GNA14: variants seen among roughly 807,000 people sequenced by gnomAD.
GNA14 encodes G protein subunit alpha 14.
GNA14 carries 50 observed loss-of-function variants against 42.0 expected under a neutral mutation model. The observed-to-expected ratio is 1.19, with a 90% CI of 0.95 to 1.51. GNA14 has a LOEUF of 1.51. Among genes scored for constraint, GNA14 ranks in the 40% most tolerant of loss-of-function variants. The probability of loss-of-function intolerance (pLI) is 0.00; values close to 1 mark genes in which losing one functional copy is unlikely to be tolerated. For synonymous variants in GNA14, 173 were observed against 163.1 expected (o/e 1.06, Z -0.46); for missense variants, 473 against 446.2 (o/e 1.06, Z -0.54).
intron 2 of GNA14, among the ~76,000 whole-genome samples, chr9:77,460,037 TCTCCCATCCTCCAAAC>T (rs1197499614): frequency 6.6e-6 from 1 of 152,180 alleles, no homozygotes; most frequent in Non-Finnish European, 1.5e-5. Context: ...CTGTTCTTTT[TCTCCCATCCTCCAAAC>T]CTCCCATCAG....
rs145821424 is a variant in GNA14, at chr9:77,565,220, A to G, written c.125-35967T>C. ...TTCCTGTAAATCTCTGCTGTCCAGT[A>G]TAGTAGCCACCAGCTAAACGTGGTT... On this transcript the variant is annotated intron_variant, in intron 1 of 6. Coordinates refer to ENST00000341700, the MANE Select transcript of GNA14 (RefSeq NM_004297.4). Among the ~76,000 whole-genome samples, 164 of 152,320 alleles carry G rather than the reference A, an allele frequency of 1.1e-3. 1 individual carries two copies. The highest frequency in any genetic ancestry group is 1.9e-3 in the South Asian group (9 of 4,822).
At chr9:77,487,192 G>T (rs1836676868) in intron 2 of GNA14, among the ~76,000 whole-genome samples, 1 of 152,118 alleles carries the variant, frequency 6.6e-6, no homozygotes, top group African/African-American at 2.4e-5. Flanking sequence ...CATGGCCCAG[G>T]TAGGATGGAG....
chr9:77,634,774 T>C lies in GNA14; in HGVS notation c.124+12896A>G, dbSNP rs139795184. Among the ~76,000 whole-genome samples the C allele has an allele frequency of 5.1e-3, 775 of 152,338 alleles. 8 individuals carry two copies. The highest frequency in any genetic ancestry group is 0.018 in the African/African-American group (739 of 41,584). ...TAAGGAATTCTTTATACTACTCAGCTGGTATTTCATGTAAACCACTATAAA... is the reference window on the plus strand; with the variant it reads ...TAAGGAATTCTTTATACTACTCAGCCGGTATTTCATGTAAACCACTATAAA... On this transcript the variant is annotated intron_variant, in intron 1 of 6. Transcript: ENST00000341700.
intron 2 of GNA14, among the ~76,000 whole-genome samples, chr9:77,514,180 A>T (rs1021348940): frequency 2.0e-5 from 3 of 152,188 alleles, no homozygotes; most frequent in Admixed American, 1.3e-4. Flanking sequence ...CCAATGGCCA[A>T]ATATTTCTTT....
At chr9:77,587,892 G>A (rs1333530472) in intron 1 of GNA14, among the ~76,000 whole-genome samples, 2 of 152,150 alleles carry the variant, frequency 1.3e-5, no homozygotes, top group Non-Finnish European at 2.9e-5. Flanking sequence ...GGGTTGGAGG[G>A]CTCTGTTCCT....
chr9:77,446,074 A>C (rs924206405), intron 2 of GNA14, among the ~76,000 whole-genome samples: 6 of 152,186 alleles, frequency 3.9e-5, no homozygotes, highest in Non-Finnish European at 7.3e-5. Flanking sequence ...GGGACTCTGC[A>C]GGGAAAGGCA....
At chr9:77,631,288 T>C (rs905245836) in intron 1 of GNA14, among the ~76,000 whole-genome samples, 2 of 152,028 alleles carry the variant, frequency 1.3e-5, no homozygotes, top group African/African-American at 4.8e-5. Flanking sequence ...CACTCAGAAA[T>C]TGCTACATCA....
chr9:77,610,196 T>C (rs1398661568), intron 1 of GNA14, among the ~76,000 whole-genome samples: 3 of 152,160 alleles, frequency 2.0e-5, no homozygotes, highest in Non-Finnish European at 4.4e-5. Flanking sequence ...CCCCTAAAAA[T>C]CATGTATTCT....
At chr9:77,545,933 G>A (rs1251292121) in intron 1 of GNA14, among the ~76,000 whole-genome samples, 5 of 152,122 alleles carry the variant, frequency 3.3e-5, no homozygotes, top group Admixed American at 3.3e-4. Context: ...AAATGCTCAA[G>A]AAATGTCTGA....
In GNA14 at chr9:77,598,932, G is replaced by A. The variant is rs551333543; in HGVS notation, c.124+48738C>T. Among the ~76,000 whole-genome samples the A allele has an allele frequency of 2.6e-5, 4 of 152,322 alleles. No homozygotes were observed. In the South Asian group the frequency reaches 8.3e-4, roughly 32 times the overall value. ...TATTTATTTGTTGAGCACCTATTAT[G>A]TCTAAATAATAAACCATGAGCTGGA... is the stretch of plus-strand genomic sequence containing the variant. On this transcript the variant is annotated intron_variant, in intron 1 of 6. Coordinates refer to ENST00000341700, the MANE Select transcript of GNA14 (RefSeq NM_004297.4).
intron 1 of GNA14, among the ~76,000 whole-genome samples, chr9:77,573,111 T>A (rs1038324609): frequency 6.6e-6 from 1 of 152,136 alleles, no homozygotes; most frequent in African/African-American, 2.4e-5. Context: ...TTTTTCTGCA[T>A]CAAAGATGTT....
intron 1 of GNA14, among the ~76,000 whole-genome samples, chr9:77,564,356 G>T (rs530358675): frequency 6.6e-6 from 1 of 151,722 alleles, no homozygotes; most frequent in Non-Finnish European, 1.5e-5. Flanking sequence ...CGCCCAGGCT[G>T]GAGTGCAGTG....
At chr9:77,495,904 G>A (rs1329461155) in intron 2 of GNA14, among the ~76,000 whole-genome samples, 1 of 152,152 alleles carries the variant, frequency 6.6e-6, no homozygotes, top group Non-Finnish European at 1.5e-5. Context: ...GTAAAATCAT[G>A]TTCCTTAATT....
chr9:77,490,895 C>G (rs549832385), intron 2 of GNA14, among the ~76,000 whole-genome samples: 1 of 152,230 alleles, frequency 6.6e-6, no homozygotes, highest in African/African-American at 2.4e-5. Flanking sequence ...GCAGAGGAGG[C>G]GCCGAGAGCG....
chr9:77,593,376 G>A (rs1285891975), intron 1 of GNA14, among the ~76,000 whole-genome samples: 5 of 148,022 alleles, frequency 3.4e-5, no homozygotes, highest in Admixed American at 6.7e-5. Flanking sequence ...TGTCCAGGCT[G>A]GAGTGCAGTG....
intron 1 of GNA14, among the ~76,000 whole-genome samples, chr9:77,536,036 C>T (rs1837592912): frequency 6.6e-6 from 1 of 152,028 alleles, no homozygotes; most frequent in African/African-American, 2.4e-5. Context: ...CTGCTAGTTT[C>T]TGTCCAGCCC....
At chr9:77,640,871 C>CAA (rs1178043976) in intron 1 of GNA14, among the ~76,000 whole-genome samples, 905 of 27,306 alleles carry the variant, frequency 0.033, 38 homozygotes, top group African/African-American at 0.091. Flanking sequence ...ATAAAATGCT[C>CAA]AAAAAAAAAA....
intron 1 of GNA14, among the ~76,000 whole-genome samples, chr9:77,645,396 T>C (rs1169615381): frequency 6.6e-6 from 1 of 152,244 alleles, no homozygotes; most frequent in Non-Finnish European, 1.5e-5. Flanking sequence ...AATGGAGCTA[T>C]GCCCCAGGAC....
intron 1 of GNA14, among the ~76,000 whole-genome samples, chr9:77,537,000 A>G (rs1017821309): frequency 1.3e-5 from 2 of 152,148 alleles, no homozygotes; most frequent in African/African-American, 2.4e-5. Context: ...ACCTATGAAT[A>G]TCTGTTACAT....
Sources: gnomAD v4.1 joint callset for allele counts (sites outside exome capture counted in the v4.1 genomes callset) on GRCh38, gnomAD v4.1.1 for gene constraint, MANE v1.5 for transcripts, NCBI Gene and HGNC (gene_info 2026-07-23, HGNC 2026-07-21) for gene names.